Variants in RINT1 observed in about 807,000 individuals in gnomAD.
The protein encoded by RINT1 is RAD50 interactor 1, also known as RAD50-interacting protein 1.
RINT1 carries 75 observed loss-of-function variants against 97.7 expected under a neutral mutation model. The observed-to-expected ratio is 0.77, with a 90% confidence interval of 0.64 to 0.93. The LOEUF (loss-of-function observed/expected upper bound fraction) is 0.93. RINT1 is among the 40% of genes least tolerant of loss of function. The probability of loss-of-function intolerance (pLI) is 0.00; values close to 1 mark genes in which losing one functional copy is unlikely to be tolerated. For missense variants in RINT1, 892 were observed against 925.2 expected, an observed-to-expected ratio of 0.96 and a Z score of 0.47; for synonymous variants, 303 against 326.3, an observed-to-expected ratio of 0.93 and a Z score of 0.77.
In RINT1 at chr7:105,548,680, A is replaced by T; in HGVS notation, c.966A>T (p.Arg322Ser). The change falls in exon 7 of 15, where the codon AGA (arginine) becomes AGT (serine). Residue 322 changes from arginine to serine, a missense_variant. Transcript: ENST00000257700. ...PLQKRFRYHF[R>S]GNRQTNVLSK... ...AGAAGAGGTTCAGGTATCACTTCAG[A>T]GGGAACCGGCAGACTAATGTGTTAA... The T allele has an allele frequency of 6.2e-7, 1 of 1,613,918 alleles. No individual in the cohort carries two copies.
intron 11 of RINT1, among the ~76,000 whole-genome samples, chr7:105,562,818 G>A (rs1377094299): frequency 2.0e-5 from 3 of 152,060 alleles, no homozygotes; most frequent in East Asian, 1.9e-4. Flanking sequence ...CAGGAGAATC[G>A]CTTGAACCCG....
chr7:105,541,337 A>G (rs1449131376), intron 3 of RINT1, among the ~76,000 whole-genome samples: 1 of 149,720 alleles, frequency 6.7e-6, no homozygotes, highest in East Asian at 2.0e-4. Flanking sequence ...GGGTTTCATC[A>G]TGTTGGCCAG....
At chr7:105,562,116 T>A (rs1199720425) in intron 11 of RINT1, among the ~76,000 whole-genome samples, 1 of 152,222 alleles carries the variant, frequency 6.6e-6, no homozygotes, top group Non-Finnish European at 1.5e-5. Context: ...TGTGGTAACA[T>A]ACTATGCAAA....
chr7:105,545,579 G>T (rs972720051), intron 4 of RINT1, among the ~76,000 whole-genome samples: 4 of 150,404 alleles, frequency 2.7e-5, no homozygotes, highest in Non-Finnish European at 5.9e-5. Flanking sequence ...AGGCTGGAGT[G>T]CAGCGGCACC....
At chr7:105,535,769 C>T in intron 2 of RINT1, 1 of 311,384 alleles carries the variant, frequency 3.2e-6, no homozygotes, top group South Asian at 2.6e-5. Flanking sequence ...AACTTCTGGG[C>T]TCAAGTGATC....
chr7:105,560,100 A>G (rs1455011358), intron 11 of RINT1, among the ~76,000 whole-genome samples: 2 of 152,128 alleles, frequency 1.3e-5, no homozygotes, highest in African/African-American at 2.4e-5. Flanking sequence ...AAAGTTGTCA[A>G]TTTCTGGTTT....
In RINT1 at chr7:105,551,628, T is replaced by C; in HGVS notation, c.1392T>C (p.Tyr464=). ...CAGAAGCTGCCTGGGTATCGCAATATAAGGATATCACTGACGTGGATGAAA... is the reference window on the plus strand; with the variant it reads ...CAGAAGCTGCCTGGGTATCGCAATACAAGGATATCACTGACGTGGATGAAA... ...LSSEAAWVSQ[Y]KDITDVDEMK... Residue 464 remains tyrosine, a synonymous_variant, in exon 10 of 15, where the codon TAT becomes TAC. Transcript: ENST00000257700. The C allele has an allele frequency of 6.2e-7, 1 of 1,611,850 alleles. No individual in the cohort carries two copies. The highest frequency in any genetic ancestry group is 1.1e-5 in the South Asian group (1 of 90,658).
chr7:105,539,290 A>G lies in RINT1; in HGVS notation c.273+2541A>G, dbSNP rs116225576. The stretch of plus-strand genomic sequence containing the variant: ...CCTTCTTATCATCCTCTCATCCTCT[A>G]TCCCATCACCAAGTCATCTGAGTTC... On this transcript the variant is annotated intron_variant, in intron 3 of 14. Transcript: ENST00000257700. Among the ~76,000 whole-genome samples the G allele has an allele frequency of 2.4e-3, 356 of 149,912 alleles. 2 individuals are homozygous for G. The highest frequency in any genetic ancestry group is 8.4e-3 in the African/African-American group (340 of 40,584).
At chr7:105,550,841 AC>A (rs1167523867) in intron 9 of RINT1, among the ~76,000 whole-genome samples, 1 of 151,250 alleles carries the variant, frequency 6.6e-6, no homozygotes, top group Non-Finnish European at 1.5e-5. Context: ...TGCAACCTCC[AC>A]CCCCTGCGTT....
Position 105,547,056 on chromosome 7 carries a change from A to T in RINT1, c.662A>T (p.His221Leu). 1 of 1,613,780 alleles carries T rather than the reference A, an allele frequency of 6.2e-7. No individual in the cohort carries two copies. The highest frequency in any genetic ancestry group is 1.3e-5 in the African/African-American group (1 of 75,056). The change falls in exon 5 of 15, where the codon CAT becomes CTT. Residue 221 changes from histidine to leucine, a missense_variant. Coordinates refer to ENST00000257700, the MANE Select transcript of RINT1 (RefSeq NM_021930.6). Reference sequence around the variant, plus strand: ...ATGAGAGCCACAGTTAAATTCTGGCATAAAATTCTCAAGGACAAGCTTACA... The same window carrying T: ...ATGAGAGCCACAGTTAAATTCTGGCTTAAAATTCTCAAGGACAAGCTTACA... Reference protein sequence around the residue: ...GFMRATVKFWHKILKDKLTSD... With the variant: ...GFMRATVKFWLKILKDKLTSD...
chr7:105,532,719 G>T, intron 1 of RINT1, 105 bp from the exon 2 acceptor site: 2 of 1,215,930 alleles, frequency 1.6e-6, no homozygotes, highest in Non-Finnish European at 2.4e-6. Context: ...GTGGGAGAGC[G>T]TCTGGAACCT....
intron 11 of RINT1, 22 bp downstream of exon 11, chr7:105,555,249 T>TTAAG: frequency 6.3e-7 from 1 of 1,581,566 alleles, no homozygotes; most frequent in Non-Finnish European, 8.7e-7. Flanking sequence ...TGCTTTTATA[T>TTAAG]TAAGTAATAT....
At chr7:105,548,506 T>C (rs1447473997) in intron 6 of RINT1, 48 bp from the exon 7 acceptor site, 2 of 1,575,572 alleles carry the variant, frequency 1.3e-6, no homozygotes, top group Non-Finnish European at 1.7e-6. Context: ...TATGTGTGTG[T>C]ATATTAGGTA....
At chr7:105,554,660 G>A (rs1791096136) in intron 10 of RINT1, among the ~76,000 whole-genome samples, 2 of 151,782 alleles carry the variant, frequency 1.3e-5, no homozygotes, top group Non-Finnish European at 2.9e-5. Flanking sequence ...GGCTAGTCTT[G>A]AACTCCTGAC....
At position 105,565,334 on chromosome 7, in the gene RINT1, T is replaced by TTGCCCG; in HGVS notation, c.1946_1951dup (p.Cys649_Pro650dup). The TTGCCCG allele has an allele frequency of 6.2e-7, 1 of 1,614,270 alleles. No homozygotes were observed. Among genetic ancestry groups the TTGCCCG allele is most frequent in the Non-Finnish European group, 8.5e-7 (1 of 1,180,050 alleles). ...CAGTGATGTCCCTGTCCAGTTCGGCTTGCCCGTTGCTGCTGACGTTACGAG... is the reference window on the plus strand; with the variant it reads ...CAGTGATGTCCCTGTCCAGTTCGGCTTGCCCGTGCCCGTTGCTGCTGACGTTACGAG... On this transcript the variant is annotated inframe_insertion, in exon 13 of 15. Transcript: ENST00000257700.
intron 3 of RINT1, among the ~76,000 whole-genome samples, chr7:105,539,532 G>A (rs1790376320): frequency 6.6e-6 from 1 of 152,088 alleles, no homozygotes; most frequent in Middle Eastern, 3.4e-3. Context: ...GGCTAATTTT[G>A]TATTTTTGGT....
In RINT1 at chr7:105,551,689, C is replaced by T. The variant is rs575307435; in HGVS notation, c.1453C>T (p.Leu485=). The T allele has an allele frequency of 1.0e-5, 16 of 1,606,512 alleles. No homozygotes were observed. In the East Asian group the frequency reaches 3.1e-4, roughly 31 times the overall value. ...AGATTGTGCAGAAACTTTTATGACTCTACTCTTGGTTATAACTGGTAAGTA... is the reference window on the plus strand; with the variant it reads ...AGATTGTGCAGAAACTTTTATGACTTTACTCTTGGTTATAACTGGTAAGTA... ...VPDCAETFMT[L]LLVITDRYKN... is the part of the protein sequence containing the mutation. The change falls in exon 10 of 15, where the codon CTA becomes TTA. Residue 485 remains leucine, a synonymous_variant. Transcript: ENST00000257700.
intron 7 of RINT1, among the ~76,000 whole-genome samples, chr7:105,549,705 A>G (rs1024720994): frequency 3.3e-5 from 5 of 152,166 alleles, no homozygotes; most frequent in African/African-American, 1.2e-4. Context: ...AAATAATATT[A>G]AAATTATTTT....
Position 105,548,582 on chromosome 7 carries a change from C to T in RINT1, c.868C>T (p.Leu290Phe). 3 of 1,614,120 alleles carry T rather than the reference C, an allele frequency of 1.9e-6. No individual in the cohort carries two copies. The highest frequency in any genetic ancestry group is 2.5e-6 in the Non-Finnish European group (3 of 1,180,004). The change falls in exon 7 of 15, where the codon CTC becomes TTC. Residue 290 changes from leucine (L) to phenylalanine (F), a missense_variant. Physicochemically the swap from Leu to Phe is conservative, Grantham distance 22 (BLOSUM62 0). Transcript: ENST00000257700. ...TGAATTACTTACTGAGCCAAAGCAA[C>T]TCCCAGAAAAATACTCTCTTCCTGC... ...SDELLTEPKQ[L>F]PEKYSLPASP...
Sources: gnomAD v4.1 joint callset for allele counts (sites outside exome capture counted in the v4.1 genomes callset) on GRCh38, gnomAD v4.1.1 for gene constraint, MANE v1.5 for transcripts, NCBI Gene and HGNC (gene_info 2026-07-23, HGNC 2026-07-21) for gene names.